EXT1: variants seen among roughly 807,000 people sequenced by gnomAD.
EXT1 encodes the protein exostosin-1.
In EXT1, 20 loss-of-function variants were observed where a neutral mutation model predicts 82.5. The ratio of observed to expected loss-of-function variants is 0.24; its 90% CI spans 0.17 to 0.35. The LOEUF (loss-of-function observed/expected upper bound fraction) is 0.35, where lower values mean the gene tolerates loss of function less well. Ranked by LOEUF, EXT1 falls within the 10% of genes least tolerant of loss-of-function variation. EXT1 has a pLI of 1.00. For synonymous variants in EXT1, 348 were observed against 350.8 expected (o/e 0.99, Z 0.09); for missense variants, 757 against 936.5 (o/e 0.81, Z 2.50).
chr8:117,864,773 A>G (rs1381232393), intron 1 of EXT1, among the ~76,000 whole-genome samples: 3 of 151,910 alleles, frequency 2.0e-5, no homozygotes, highest in Non-Finnish European at 4.4e-5. Flanking sequence ...AATCGCAAAA[A>G]AAAAAAAAAA....
chr8:117,825,691 A>G (rs1356414417), intron 4 of EXT1, among the ~76,000 whole-genome samples: 2 of 152,222 alleles, frequency 1.3e-5, no homozygotes, highest in East Asian at 1.9e-4. Flanking sequence ...AGAGCACTGT[A>G]GCCTAAGATA....
At chr8:118,026,605 G>A (rs1235657416) in intron 1 of EXT1, among the ~76,000 whole-genome samples, 8 of 152,078 alleles carry the variant, frequency 5.3e-5, no homozygotes, top group Admixed American at 6.5e-5. Flanking sequence ...AAAATCTCTT[G>A]AAGAGTAGTA....
rs1817885306 is a variant in EXT1, at chr8:118,110,779, A to T, written c.268T>A (p.Ser90Thr). 6.2e-7 allele frequency: 1 copy of T among 1,613,816 alleles called. No individual in the cohort carries two copies. Among genetic ancestry groups the T allele is most frequent in the African/African-American group, 1.3e-5 (1 of 74,894 alleles). Residue 90 changes from serine (S) to threonine (T), a missense_variant, in exon 1 of 11, where the codon TCC (serine) becomes ACC (threonine). Coordinates refer to ENST00000378204, the MANE Select transcript of EXT1 (RefSeq NM_000127.3). Reference protein sequence around the residue: ...ISPRQKRDANSSIYKGKKCRM... With the variant: ...ISPRQKRDANTSIYKGKKCRM... ...CACTTCTTGCCTTTGTAGATGCTGGAGTTGGCATCTCGCTTCTGCCGGGGG... is the reference window on the plus strand; with the variant it reads ...CACTTCTTGCCTTTGTAGATGCTGGTGTTGGCATCTCGCTTCTGCCGGGGG...
At chr8:117,800,272 T>C (rs1390932480) in intron 10 of EXT1, among the ~76,000 whole-genome samples, 1 of 152,240 alleles carries the variant, frequency 6.6e-6, no homozygotes. Context: ...GTTTCTGCTT[T>C]CAAAGAGTTT....
At chr8:117,907,392 G>C (rs1813562765) in intron 1 of EXT1, among the ~76,000 whole-genome samples, 1 of 152,114 alleles carries the variant, frequency 6.6e-6, no homozygotes, top group Non-Finnish European at 1.5e-5. Context: ...GAGAACAATC[G>C]ACAAAGCCTC....
chr8:117,842,436 C>A (rs1812287807), intron 1 of EXT1, among the ~76,000 whole-genome samples: 1 of 152,120 alleles, frequency 6.6e-6, no homozygotes, highest in Non-Finnish European at 1.5e-5. Flanking sequence ...AAAATCTGGG[C>A]TAAGGAATTT....
At chr8:117,978,520 G>GA (rs920927618) in intron 1 of EXT1, among the ~76,000 whole-genome samples, 1,956 of 146,912 alleles carry the variant, frequency 0.013, 41 homozygotes, top group African/African-American at 0.046. Flanking sequence ...CTAAATTAAT[G>GA]AAAAAAAAAA....
In EXT1 at chr8:117,812,852, C is replaced by T. The variant is rs1823350295; in HGVS notation, c.1722+20G>A. 1 of 1,610,250 alleles carries T rather than the reference C, an allele frequency of 6.2e-7. No individual in the cohort carries two copies. The highest frequency in any genetic ancestry group is 1.3e-5 in the African/African-American group (1 of 74,858). ...CTGCCTGAACAGCCCACCTGCTGCT[C>T]CTCAGGCATGGGTTCTTACCTCTGT... On this transcript the variant is annotated intron_variant, in intron 8 of 10. Coordinates refer to ENST00000378204, the MANE Select transcript of EXT1 (RefSeq NM_000127.3).
chr8:117,923,839 C>T (rs1220131076), intron 1 of EXT1, among the ~76,000 whole-genome samples: 3 of 152,178 alleles, frequency 2.0e-5, no homozygotes, highest in Non-Finnish European at 4.4e-5. Context: ...CATGGAGCAC[C>T]ACATTGAGAA....
intron 1 of EXT1, among the ~76,000 whole-genome samples, chr8:117,860,626 A>T (rs1812666326): frequency 6.6e-6 from 1 of 152,214 alleles, no homozygotes; most frequent in Non-Finnish European, 1.5e-5. Context: ...TCCTTCTGGC[A>T]GATATATTTG....
In EXT1 at chr8:117,980,694, GGTGGTTTTTTTTTTTTT is replaced by G. The variant is rs1245187406; in HGVS notation, c.962+129374_962+129390del. On this transcript the variant is annotated intron_variant, in intron 1 of 10. Transcript: ENST00000378204. ...GGGAAGGTTTGTTTGTTCGGGTGTT[GGTGGTTTTTTTTTTTTT>G]TTTTTTTTTTTTTTTTTTTTCCAGT... 1.5e-3 allele frequency among the ~76,000 whole-genome samples: 181 copies of G among 123,410 alleles called. 10 individuals are homozygous for G. The South Asian group carries it at 0.029, about 20-fold the overall frequency. 81.0% of individuals were successfully genotyped at this position (123,410 alleles called of 152,430 possible).
intron 1 of EXT1, among the ~76,000 whole-genome samples, chr8:117,935,086 T>C (rs555833283): frequency 2.6e-5 from 4 of 152,258 alleles, no homozygotes; most frequent in Admixed American, 2.0e-4. Flanking sequence ...ATGTCCTCCT[T>C]ATCTCTAAAA....
chr8:117,998,015 CTTTT>C (rs11324491), intron 1 of EXT1, among the ~76,000 whole-genome samples: 2 of 125,656 alleles, frequency 1.6e-5, no homozygotes, highest in Admixed American at 8.4e-5. Context: ...TTTTATTTTA[CTTTT>C]TTTTTTTTTT....
chr8:117,806,138 T>C (rs17474267), intron 9 of EXT1, among the ~76,000 whole-genome samples: 1 of 152,222 alleles, frequency 6.6e-6, no homozygotes, highest in Admixed American at 6.5e-5. Flanking sequence ...ATTCACTTCC[T>C]GGTCCCAGGA....
At chr8:117,813,096 A>T in intron 7 of EXT1, 135 bp from the exon 8 acceptor site, 3 of 725,742 alleles carry the variant, frequency 4.1e-6, no homozygotes, top group Non-Finnish European at 7.4e-6. Flanking sequence ...CTCAACACCG[A>T]AGGAATCTCA....
At chr8:117,860,892 G>T (rs1024476336) in intron 1 of EXT1, among the ~76,000 whole-genome samples, 4 of 152,196 alleles carry the variant, frequency 2.6e-5, no homozygotes, top group Admixed American at 2.6e-4. Context: ...GGGGCTAAAG[G>T]TCAGATACAA....
At chr8:117,860,146 C>CAA (rs34399339) in intron 1 of EXT1, among the ~76,000 whole-genome samples, 20,771 of 77,138 alleles carry the variant, frequency 0.27, 3,064 homozygotes, top group Non-Finnish European at 0.33. Flanking sequence ...GATTCTATCT[C>CAA]AAAAAAAAAA....
At position 118,111,471 on chromosome 8, in the gene EXT1, G is replaced by A; in HGVS notation, c.-425C>T. 5 of 540,760 alleles carry A rather than the reference G, an allele frequency of 9.2e-6. No homozygotes were observed. Among genetic ancestry groups the A allele is most frequent in the Non-Finnish European group, 1.6e-5 (5 of 309,180 alleles). 33.5% of individuals were successfully genotyped at this position (540,760 alleles called of 1,614,324 possible). Reference sequence around the variant, plus strand: ...CGGCAGCGTGGAAAATGAGCCCCGGGAAGGCAACTTCAACTCATCCACCAC... The same window carrying A: ...CGGCAGCGTGGAAAATGAGCCCCGGAAAGGCAACTTCAACTCATCCACCAC... On this transcript the variant is annotated 5_prime_UTR_variant, in exon 1 of 11. Transcript: ENST00000378204.
At chr8:118,019,311 C>T (rs1421674534) in intron 1 of EXT1, among the ~76,000 whole-genome samples, 2 of 144,900 alleles carry the variant, frequency 1.4e-5, no homozygotes, top group Non-Finnish European at 3.0e-5. Flanking sequence ...GAGATTCAAA[C>T]TTTTATACAG....
Sources: gnomAD v4.1 joint callset for allele counts (sites outside exome capture counted in the v4.1 genomes callset) on GRCh38, gnomAD v4.1.1 for gene constraint, MANE v1.5 for transcripts, NCBI Gene and HGNC (gene_info 2026-07-23, HGNC 2026-07-21) for gene names.